NPHS2: variants seen among roughly 807,000 people sequenced by gnomAD.
The protein encoded by NPHS2 is NPHS2 stomatin family member, podocin, also known as podocin.
In NPHS2, 36 loss-of-function variants were observed where a neutral mutation model predicts 37.1. The observed-to-expected ratio is 0.97, with a 90% CI of 0.74 to 1.28. The LOEUF (loss-of-function observed/expected upper bound fraction) is 1.28. Ranked by LOEUF, NPHS2 falls within the 50% of genes most tolerant of loss-of-function variation. The pLI, the probability that NPHS2 is intolerant of heterozygous loss-of-function variation, is 0.00. For missense variants in NPHS2, 447 were observed against 488.1 expected, an observed-to-expected ratio of 0.92 and a Z score of 0.79; for synonymous variants, 196 against 189.3, an observed-to-expected ratio of 1.04 and a Z score of -0.29.
chr1:179,569,640 G>A (rs899668061), intron 1 of NPHS2, among the ~76,000 whole-genome samples: 1 of 152,122 alleles, frequency 6.6e-6, no homozygotes, highest in Admixed American at 6.6e-5. Flanking sequence ...ATAGCATCAA[G>A]GGTCTTTACA....
chr1:179,552,575 A>G (rs987828470), intron 7 of NPHS2, 28 bp downstream of exon 7: 3 of 1,592,008 alleles, frequency 1.9e-6, no homozygotes, highest in Non-Finnish European at 2.6e-6. Context: ...CCTAAAGGGC[A>G]GTCTGGGTGG....
chr1:179,575,157 T>G (rs1031177452), intron 1 of NPHS2, among the ~76,000 whole-genome samples: 1 of 152,226 alleles, frequency 6.6e-6, no homozygotes, highest in African/African-American at 2.4e-5. Context: ...TCCCAGAAGT[T>G]TAAAATGCTT....
At chr1:179,568,542 C>G (rs1413316548) in intron 1 of NPHS2, among the ~76,000 whole-genome samples, 1 of 152,118 alleles carries the variant, frequency 6.6e-6, no homozygotes, top group Admixed American at 6.5e-5. Context: ...TTTTCTGTCT[C>G]TATCTCTTTC....
rs753252588 is a variant in NPHS2 at position 179,550,902 on chromosome 1, A to G, written c.*271T>C. The G allele has an allele frequency of 6.2e-6, 3 of 486,508 alleles. No individual in the cohort carries two copies. The highest frequency in any genetic ancestry group is 5.8e-4 in the Middle Eastern group (1 of 1,736). The allele number at this position is 486,508 out of a possible 1,614,324, so 30.1% of individuals were successfully genotyped here. On this transcript the variant is annotated 3_prime_UTR_variant, in exon 8 of 8. Coordinates refer to ENST00000367615, the MANE Select transcript of NPHS2 (RefSeq NM_014625.4). ...GAAGTCAAAATTTAACCACATCTAG[A>G]CTCAAAATTCTTTCCAAAGTAGAAT... is the stretch of plus-strand genomic sequence containing the variant.
chr1:179,565,844 A>T (rs1015014896), intron 1 of NPHS2, among the ~76,000 whole-genome samples: 14 of 150,702 alleles, frequency 9.3e-5, no homozygotes, highest in African/African-American at 3.4e-4. Context: ...TCCTTGTGAT[A>T]GTTTGCTGAG....
In NPHS2 at chr1:179,556,404, C is replaced by T. The variant is rs963162158; in HGVS notation, c.738+623G>A. On this transcript the variant is annotated intron_variant, in intron 5 of 7. Transcript: ENST00000367615. The surrounding 1 kb of genome is among the most constrained non-coding windows in gnomAD (Gnocchi z 4.1). ...CTCTGAATACCTGTTGCCTACCTGC[C>T]TTGGTAAGAATCAAAGCCACCGACC... Among the ~76,000 whole-genome samples the T allele has an allele frequency of 1.5e-4, 22 of 151,212 alleles. No individual in the cohort carries two copies. The highest frequency in any genetic ancestry group is 4.2e-4 in the African/African-American group (17 of 40,528).
Position 179,575,826 on chromosome 1 carries a change from G to A in NPHS2, c.39C>T (p.Arg13=). 6.9e-7 allele frequency: 1 copy of A among 1,457,940 alleles called. No individual in the cohort carries two copies. Among genetic ancestry groups the A allele is most frequent in the South Asian group, 1.5e-5 (1 of 68,072 alleles). The allele number at this position is 1,457,940 out of a possible 1,614,324, so 90.3% of individuals were successfully genotyped here. A position where few individuals can be genotyped will look rare whatever the true frequency, so the allele number is the denominator to read the frequency against. The change falls in exon 1 of 8, where the codon CGC becomes CGT. Residue 13 remains arginine (R), a synonymous_variant. Transcript: ENST00000367615. The part of the protein sequence containing the change: ...RRARSSSRES[R]GRGGRTPHKE... ...TGTGCGGAGTCCTGCCGCCTCGCCC[G>A]CGGGACTCCCTGGAGGAGCTCCGCG...
chr1:179,555,428 G>A (rs1041901614), intron 5 of NPHS2, among the ~76,000 whole-genome samples: 2 of 152,150 alleles, frequency 1.3e-5, no homozygotes, highest in East Asian at 3.9e-4. Context: ...GAAGAAAATC[G>A]ACTGTGGATT....
intron 2 of NPHS2, among the ~76,000 whole-genome samples, chr1:179,563,231 T>A (rs562597829): frequency 6.6e-6 from 1 of 152,218 alleles, no homozygotes; most frequent in Admixed American, 6.5e-5. Context: ...AGCAATAAAG[T>A]GGGACATTGT....
At chr1:179,559,303 C>G (rs997710186) in intron 4 of NPHS2, among the ~76,000 whole-genome samples, 4 of 152,130 alleles carry the variant, frequency 2.6e-5, no homozygotes. Flanking sequence ...ACAGTAACAT[C>G]CAGATGTGTT....
At chr1:179,563,890 C>T (rs918027455) in intron 2 of NPHS2, among the ~76,000 whole-genome samples, 5 of 152,164 alleles carry the variant, frequency 3.3e-5, no homozygotes, top group Non-Finnish European at 5.9e-5. Context: ...GCCCCAGCAG[C>T]AGGTGTACTG....
At position 179,559,668 on chromosome 1, in the gene NPHS2, AT is replaced by A. The variant is rs2125786544; in HGVS notation, c.534+10del. 6.4e-7 allele frequency: 1 copy of A among 1,553,348 alleles called. No homozygotes were observed. The highest frequency in any genetic ancestry group is 8.8e-7 in the Non-Finnish European group (1 of 1,137,318). ...ATGTATAGAGAAAGCAAAAGCCATC[AT>A]TTGGCTTACCTCATGAAAAGGTATC... On this transcript the variant is annotated intron_variant, in intron 4 of 7. Coordinates refer to ENST00000367615, the MANE Select transcript of NPHS2 (RefSeq NM_014625.4).
At chr1:179,557,309 T>TCAA in intron 4 of NPHS2, 79 bp from the exon 5 acceptor site, 1 of 1,136,108 alleles carries the variant, frequency 8.8e-7, no homozygotes, top group Non-Finnish European at 1.3e-6. Context: ...CTAAATGTGT[T>TCAA]CAAAGTGAAT....
At chr1:179,573,495 C>T (rs1448222236) in intron 1 of NPHS2, among the ~76,000 whole-genome samples, 2 of 152,168 alleles carry the variant, frequency 1.3e-5, no homozygotes, top group Non-Finnish European at 2.9e-5. Flanking sequence ...TGTTTACACA[C>T]ATTTGACCAG....
chr1:179,551,629 TG>T, intron 7 of NPHS2, 178 bp from the exon 8 acceptor site: 2 of 672,788 alleles, frequency 3.0e-6, no homozygotes, highest in Admixed American at 2.6e-5. Flanking sequence ...CAGATTAAAC[TG>T]TTAATCACAA....
At chr1:179,575,151 A>G (rs1173047118) in intron 1 of NPHS2, among the ~76,000 whole-genome samples, 2 of 152,156 alleles carry the variant, frequency 1.3e-5, no homozygotes, top group Non-Finnish European at 2.9e-5. Context: ...TCATCTTCCC[A>G]GAAGTTTAAA....
chr1:179,569,129 C>T (rs1477094982), intron 1 of NPHS2, among the ~76,000 whole-genome samples: 1 of 152,108 alleles, frequency 6.6e-6, no homozygotes, highest in Non-Finnish European at 1.5e-5. Context: ...TGTCATTGAT[C>T]TGTCTAATGC....
chr1:179,550,858 C>T lies in NPHS2; in HGVS notation c.*315G>A. The stretch of plus-strand genomic sequence containing the variant: ...GTCAGAGGACATACAGTGAAAGGGA[C>T]ATCTGAACCAAGTTCCCAGAAGTCA... On this transcript the variant is annotated 3_prime_UTR_variant, in exon 8 of 8. Transcript: ENST00000367615. The T allele has an allele frequency of 2.5e-6, 1 of 398,810 alleles. No homozygotes were observed. Among genetic ancestry groups the T allele is most frequent in the South Asian group, 2.2e-5 (1 of 45,474 alleles). 24.7% of individuals were successfully genotyped at this position (398,810 alleles called of 1,614,324 possible).
chr1:179,575,450 G>A, intron 1 of NPHS2, 141 bp downstream of exon 1: 1 of 1,135,064 alleles, frequency 8.8e-7, no homozygotes, highest in South Asian at 1.3e-5. Flanking sequence ...CCTAACTTAC[G>A]CCCTTCCGTT....
Sources: allele counts gnomAD v4.1 joint callset (sites outside exome capture counted in the v4.1 genomes callset), GRCh38; gene constraint gnomAD v4.1.1; non-coding constraint Gnocchi (gnomAD v3.1); transcripts MANE v1.5; gene names NCBI Gene and HGNC (gene_info 2026-07-23, HGNC 2026-07-21).